Variants in ZC2HC1B observed in about 807,000 individuals in gnomAD.
The protein encoded by ZC2HC1B is zinc finger C2HC-type containing 1B.
A neutral mutation model predicts 31.0 loss-of-function variants in ZC2HC1B; 36 were observed. That is an observed-to-expected ratio of 1.16 (90% confidence interval 0.89 to 1.54). The LOEUF (loss-of-function observed/expected upper bound fraction) is 1.54. Ranked by LOEUF, ZC2HC1B falls within the 40% of genes most tolerant of loss-of-function variation. The pLI is 0.00. For missense variants in ZC2HC1B, 260 were observed against 268.6 expected, an observed-to-expected ratio of 0.97 and a Z score of 0.22; for synonymous variants, 73 against 88.0, an observed-to-expected ratio of 0.83 and a Z score of 0.95.
intron 1 of ZC2HC1B, among the ~76,000 whole-genome samples, chr6:143,878,326 A>G (rs991779480): frequency 7.3e-5 from 11 of 150,554 alleles, no homozygotes; most frequent in East Asian, 1.9e-4. Flanking sequence ...TAAAATGGCC[A>G]TGTTAGCCAG....
At chr6:143,925,090 C>T (rs1428302955) in intron 6 of ZC2HC1B, among the ~76,000 whole-genome samples, 1 of 150,274 alleles carries the variant, frequency 6.7e-6, no homozygotes, top group Non-Finnish European at 1.5e-5. Context: ...AGTTTGATAG[C>T]ATTTGGAAGT....
intron 6 of ZC2HC1B, among the ~76,000 whole-genome samples, chr6:143,931,958 A>G (rs2179949): frequency 0.51 from 77,019 of 150,338 alleles, 20,338 homozygotes; most frequent in African/African-American, 0.65. Flanking sequence ...TCCACCTCCC[A>G]GGTTCAAGCG....
At chr6:143,879,115 C>T (rs1050381143) in intron 1 of ZC2HC1B, among the ~76,000 whole-genome samples, 1 of 152,164 alleles carries the variant, frequency 6.6e-6, no homozygotes, top group Non-Finnish European at 1.5e-5. Flanking sequence ...CCTCATTCGC[C>T]TGCCTCAGTT....
At position 143,919,215 on chromosome 6, in the gene ZC2HC1B, CTCTGTGTGTGTGTGTGTGTG is replaced by C. The variant is rs1777956723; in HGVS notation, c.598+16065_598+16084del. Reference sequence around the variant, plus strand: ...TCTCCCTTCTGCAGGGTTTGCTATTCTCTGTGTGTGTGTGTGTGTGTGTGTGTGTGTGTGTGTGTGTGTGT... The same window carrying C: ...TCTCCCTTCTGCAGGGTTTGCTATTCTGTGTGTGTGTGTGTGTGTGTGTGT... On this transcript the variant is annotated intron_variant, in intron 6 of 7. Coordinates refer to ENST00000237275, the MANE Select transcript of ZC2HC1B (RefSeq NM_001013623.3). Among the ~76,000 whole-genome samples, 5 of 124,162 alleles carry C rather than the reference CTCTGTGTGTGTGTGTGTGTG, an allele frequency of 4.0e-5. 1 individual carries two copies. In the South Asian group the frequency reaches 1.0e-3, roughly 25 times the overall value. 81.5% of individuals were successfully genotyped at this position (124,162 alleles called of 152,430 possible). A position where few individuals can be genotyped will look rare whatever the true frequency, so the allele number is the denominator to read the frequency against.
chr6:143,872,183 C>T lies in ZC2HC1B; in HGVS notation c.28+7616C>T, dbSNP rs1777349144. Among the ~76,000 whole-genome samples the T allele has an allele frequency of 6.6e-6, 1 of 152,034 alleles. No homozygotes were observed. Among genetic ancestry groups the T allele is most frequent in the Non-Finnish European group, 1.5e-5 (1 of 68,006 alleles). On this transcript the variant is annotated intron_variant, in intron 1 of 7. Transcript: ENST00000237275. The surrounding 1 kb of genome is among the most constrained non-coding windows in gnomAD (Gnocchi z 5.5). ...TAATGGAGTCCTTTTTCAAGGGGACCCGGCCTCCCCTTCATTCAAGCAGCT... is the reference window on the plus strand; with the variant it reads ...TAATGGAGTCCTTTTTCAAGGGGACTCGGCCTCCCCTTCATTCAAGCAGCT...
In ZC2HC1B at chr6:143,889,778, A is replaced by G. The variant is rs568309903; in HGVS notation, c.349+2957A>G. Among the ~76,000 whole-genome samples the G allele has an allele frequency of 5.9e-5, 9 of 152,242 alleles. No individual in the cohort carries two copies. The South Asian group carries it at 1.7e-3, about 28-fold the overall frequency. Reference sequence around the variant, plus strand: ...ATACACAGCAGGAAAATCAGTAAAGATATAGAAGAGTTGAGCAGCAGTAAC... The same window carrying G: ...ATACACAGCAGGAAAATCAGTAAAGGTATAGAAGAGTTGAGCAGCAGTAAC... On this transcript the variant is annotated intron_variant, in intron 4 of 7. Transcript: ENST00000237275.
intron 5 of ZC2HC1B, among the ~76,000 whole-genome samples, chr6:143,902,338 CAA>C (rs1189950970): frequency 6.6e-6 from 1 of 152,138 alleles, no homozygotes; most frequent in Non-Finnish European, 1.5e-5. Flanking sequence ...TACTCTTAAC[CAA>C]AAGAGACCAA....
chr6:143,900,040 C>G (rs973472533), intron 5 of ZC2HC1B, among the ~76,000 whole-genome samples: 4 of 152,142 alleles, frequency 2.6e-5, no homozygotes, highest in Non-Finnish European at 4.4e-5. Flanking sequence ...CACAAAACAT[C>G]CAGCTTGTGG....
At chr6:143,893,722 T>C (rs1426379989) in intron 4 of ZC2HC1B, among the ~76,000 whole-genome samples, 2 of 152,152 alleles carry the variant, frequency 1.3e-5, no homozygotes, top group East Asian at 3.9e-4. Flanking sequence ...AGTCTTGCTC[T>C]GTCACCCAGG....
At chr6:143,904,910 CTCTAT>C (rs946115244) in intron 6 of ZC2HC1B, among the ~76,000 whole-genome samples, 8 of 152,250 alleles carry the variant, frequency 5.3e-5, no homozygotes, top group African/African-American at 1.2e-4. Flanking sequence ...TATTTCTGGA[CTCTAT>C]TCTATTTCAT....
Position 143,871,679 on chromosome 6 carries a change from A to G in ZC2HC1B, c.28+7112A>G, listed in dbSNP as rs1354152064. ...AGTCTTTCAAGTCCTTGATGGTGGT[A>G]CTAATCGCCACAGTCTCTGCAGGGA... On this transcript the variant is annotated intron_variant, in intron 1 of 7. Transcript: ENST00000237275. This position sits in a 1 kb window ranked among gnomAD's most constrained non-coding sequence, Gnocchi z 4.1. 1.3e-5 allele frequency among the ~76,000 whole-genome samples: 2 copies of G among 152,240 alleles called. No individual in the cohort carries two copies. Among genetic ancestry groups the G allele is most frequent in the African/African-American group, 2.4e-5 (1 of 41,466 alleles).
At position 143,908,429 on chromosome 6, in the gene ZC2HC1B, G is replaced by C. The variant is rs981520309; in HGVS notation, c.598+5277G>C. Among the ~76,000 whole-genome samples the C allele has an allele frequency of 6.6e-6, 1 of 152,058 alleles. No individual in the cohort carries two copies. Among genetic ancestry groups the C allele is most frequent in the Admixed American group, 6.6e-5 (1 of 15,262 alleles). ...ATGAGCATGGTATATTTTTCCATTT[G>C]TTTGTGTCATCTCTGATTTCTTTGA... On this transcript the variant is annotated intron_variant, in intron 6 of 7. Transcript: ENST00000237275. This position sits in a 1 kb window ranked among gnomAD's most constrained non-coding sequence, Gnocchi z 4.4.
chr6:143,895,337 A>G lies in ZC2HC1B; in HGVS notation c.350-3215A>G, dbSNP rs1945752310. Among the ~76,000 whole-genome samples the G allele has an allele frequency of 6.6e-6, 1 of 151,986 alleles. No homozygotes were observed. The highest frequency in any genetic ancestry group is 2.1e-4 in the South Asian group (1 of 4,812). The stretch of plus-strand genomic sequence containing the variant: ...GCCACCACGCCCAGCTGATTTCTGT[A>G]TTTTTAGTAGAGATGGGGTTTCATC... On this transcript the variant is annotated intron_variant, in intron 4 of 7. Transcript: ENST00000237275. The surrounding 1 kb of genome is among the most constrained non-coding windows in gnomAD (Gnocchi z 4.8).
Position 143,868,617 on chromosome 6 carries a change from A to G in ZC2HC1B, c.28+4050A>G, listed in dbSNP as rs1777299347. On this transcript the variant is annotated intron_variant, in intron 1 of 7. Coordinates refer to ENST00000237275, the MANE Select transcript of ZC2HC1B (RefSeq NM_001013623.3). The surrounding 1 kb of genome is among the most constrained non-coding windows in gnomAD (Gnocchi z 4.2). The stretch of plus-strand genomic sequence containing the variant: ...ACCCTCTCAGACACACCCAGGATCA[A>G]TAACTTTGCATCCTTCTTTCCAATC... Among the ~76,000 whole-genome samples, 1 of 152,222 alleles carries G rather than the reference A, an allele frequency of 6.6e-6. No homozygotes were observed. The highest frequency in any genetic ancestry group is 1.5e-5 in the Non-Finnish European group (1 of 68,042).
Position 143,887,688 on chromosome 6 carries a change from T to C in ZC2HC1B, c.349+867T>C, listed in dbSNP as rs935836388. 9.2e-5 allele frequency among the ~76,000 whole-genome samples: 14 copies of C among 152,150 alleles called. No homozygotes were observed. The highest frequency in any genetic ancestry group is 3.4e-4 in the African/African-American group (14 of 41,444). ...GTCTCATGTTCTGTATTTCTCCACT[T>C]ATTTAGTCATATTGTTAAATTTTTT... On this transcript the variant is annotated intron_variant, in intron 4 of 7. Transcript: ENST00000237275. The surrounding 1 kb of genome is among the most constrained non-coding windows in gnomAD (Gnocchi z 5.1).
chr6:143,925,611 G>A (rs192551765), intron 6 of ZC2HC1B, among the ~76,000 whole-genome samples: 29 of 142,448 alleles, frequency 2.0e-4, no homozygotes, highest in Non-Finnish European at 3.5e-4. Flanking sequence ...ATCTCGTCTC[G>A]CCGCAACCTC....
rs755615708 is a variant in ZC2HC1B at position 143,886,783 on chromosome 6, G to A, written c.311G>A (p.Arg104Gln). ...TGTATGCTAGCCATTAAAGAAGGCC[G>A]ACCCCTCCCACCTCCACCCCCTCCA... ...KQCMLAIKEG[R>Q]PLPPPPPPSL... The change falls in exon 4 of 8, where the codon CGA becomes CAA. Residue 104 changes from arginine (R) to glutamine (Q), a missense_variant. Physicochemically the swap from Arg to Gln is conservative, Grantham distance 43. Coordinates refer to ENST00000237275, the MANE Select transcript of ZC2HC1B (RefSeq NM_001013623.3). This position sits in a 1 kb window ranked among gnomAD's most constrained non-coding sequence, Gnocchi z 4.2. 96 of 1,546,916 alleles carry A rather than the reference G, an allele frequency of 6.2e-5. No individual in the cohort carries two copies. Among genetic ancestry groups the A allele is most frequent in the South Asian group, 7.2e-5 (6 of 83,406 alleles).
chr6:143,931,855 C>T (rs1230168165), intron 6 of ZC2HC1B, among the ~76,000 whole-genome samples: 1 of 77,748 alleles, frequency 1.3e-5, no homozygotes, highest in Non-Finnish European at 2.4e-5. Flanking sequence ...TGAACTTCTT[C>T]TTCTTCTTCT....
intron 6 of ZC2HC1B, among the ~76,000 whole-genome samples, chr6:143,919,215 CTCTGTG>C (rs745745324): frequency 0.043 from 5,359 of 124,066 alleles, 127 homozygotes; most frequent in Non-Finnish European, 0.061. Flanking sequence ...GTTTGCTATT[CTCTGTG>C]TGTGTGTGTG....
Sources: allele counts gnomAD v4.1 joint callset (sites outside exome capture counted in the v4.1 genomes callset), GRCh38; gene constraint gnomAD v4.1.1; non-coding constraint Gnocchi (gnomAD v3.1); transcripts MANE v1.5; gene names NCBI Gene and HGNC (gene_info 2026-07-23, HGNC 2026-07-21).